The following CSTF1 variants were observed in gnomAD, a reference collection of about 807,000 sequenced individuals.
The protein encoded by CSTF1 is cleavage stimulation factor subunit 1.
A neutral mutation model predicts 40.9 loss-of-function variants in CSTF1; 2 were observed. That is an observed-to-expected ratio of 0.05 (90% CI 0.02 to 0.15). The LOEUF (loss-of-function observed/expected upper bound fraction) is 0.15, where lower values mean the gene tolerates loss of function less well. Among genes scored for constraint, CSTF1 ranks in the 10% least tolerant of loss-of-function variants. The pLI is 1.00. For missense variants in CSTF1, 279 were observed against 558.9 expected (o/e 0.50, Z 5.05); for synonymous variants, 218 against 207.2 (o/e 1.05, Z -0.45).
intron 1 of CSTF1, among the ~76,000 whole-genome samples, chr20:56,393,443 C>T (rs1987381807): frequency 1.3e-5 from 2 of 152,028 alleles, no homozygotes; most frequent in South Asian, 4.1e-4. Flanking sequence ...CTTTTCTTTG[C>T]CAGACTACCC....
At chr20:56,395,955 T>C (rs1309011336) in intron 2 of CSTF1, 2 of 431,144 alleles carry the variant, frequency 4.6e-6, no homozygotes, top group Non-Finnish European at 8.3e-6. Flanking sequence ...TTGTACACAT[T>C]ATCTGGAACA....
In CSTF1 at chr20:56,405,256, T is replaced by A. The variant is rs1041299095; in HGVS notation, c.*1529T>A. ...AGTTTCGCTCTTGTCCCCCAGGCTT[T>A]AGTGCAATGGCGCGATCTCGGCTCA... is the stretch of plus-strand genomic sequence containing the variant. On this transcript the variant is annotated 3_prime_UTR_variant, in exon 6 of 6. Coordinates refer to ENST00000217109, the MANE Select transcript of CSTF1 (RefSeq NM_001324.3). The A allele has an allele frequency of 1.3e-5, 2 of 152,196 alleles. No individual in the cohort carries two copies. The highest frequency in any genetic ancestry group is 2.1e-4 in the South Asian group (1 of 4,820). 9.4% of individuals were successfully genotyped at this position (152,196 alleles called of 1,614,324 possible).
intron 5 of CSTF1, among the ~76,000 whole-genome samples, chr20:56,400,631 A>G (rs1978409090): frequency 6.6e-6 from 1 of 152,186 alleles, no homozygotes; most frequent in Non-Finnish European, 1.5e-5. Context: ...TGGTTTTTCA[A>G]AAATGTGATT....
intron 1 of CSTF1, among the ~76,000 whole-genome samples, chr20:56,395,055 A>G (rs1987477600): frequency 6.6e-6 from 1 of 152,268 alleles, no homozygotes; most frequent in Admixed American, 6.5e-5. Context: ...GAGAATGAGC[A>G]TAAAAGATTA....
rs377616855 is a variant in CSTF1, at chr20:56,403,589, C to T, written c.1158C>T (p.Ala386=). 11 of 1,613,844 alleles carry T rather than the reference C, an allele frequency of 6.8e-6. No individual in the cohort carries two copies. The highest frequency in any genetic ancestry group is 6.7e-5 in the Admixed American group (4 of 59,962). ...TTTGCTGCTGGGACTCGAGGACAGCCGAGCGGAGAAACCTGCTGTCGTTGG... is the reference window on the plus strand; with the variant it reads ...TTTGCTGCTGGGACTCGAGGACAGCTGAGCGGAGAAACCTGCTGTCGTTGG... ...ISLCCWDSRT[A]ERRNLLSLGH... The change falls in exon 6 of 6, where the codon GCC becomes GCT. Residue 386 remains alanine, a synonymous_variant. Coordinates refer to ENST00000217109, the MANE Select transcript of CSTF1 (RefSeq NM_001324.3).
At position 56,397,502 on chromosome 20, in the gene CSTF1, A is replaced by C. The variant is rs1225022517; in HGVS notation, c.447+18A>C. Reference sequence around the variant, plus strand: ...CAATAGAGGTAAAAATTCCAGTCACATACTTATTGATTGCCTTCTGTTTTT... The same window carrying C: ...CAATAGAGGTAAAAATTCCAGTCACCTACTTATTGATTGCCTTCTGTTTTT... On this transcript the variant is annotated intron_variant, in intron 3 of 5. Coordinates refer to ENST00000217109, the MANE Select transcript of CSTF1 (RefSeq NM_001324.3). This position sits in a 1 kb window ranked among gnomAD's most constrained non-coding sequence, Gnocchi z 4.4. 1 of 1,608,038 alleles carries C rather than the reference A, an allele frequency of 6.2e-7. No individual in the cohort carries two copies. The highest frequency in any genetic ancestry group is 1.3e-5 in the African/African-American group (1 of 74,830).
At chr20:56,398,064 G>A (rs1485404514) in intron 4 of CSTF1, among the ~76,000 whole-genome samples, 1 of 152,072 alleles carries the variant, frequency 6.6e-6, no homozygotes, top group Admixed American at 6.6e-5. Flanking sequence ...CTGACCCTTT[G>A]GAGGGTTTGG....
chr20:56,401,940 A>G (rs1192458375), intron 5 of CSTF1, among the ~76,000 whole-genome samples: 1 of 152,222 alleles, frequency 6.6e-6, no homozygotes, highest in African/African-American at 2.4e-5. Flanking sequence ...ACTAAGCTGT[A>G]TTCTGTCTTT....
chr20:56,403,548 G>A lies in CSTF1; in HGVS notation c.1117G>A (p.Glu373Lys), dbSNP rs140557030. 2 of 1,613,968 alleles carry A rather than the reference G, an allele frequency of 1.2e-6. No homozygotes were observed. The highest frequency in any genetic ancestry group is 8.5e-7 in the Non-Finnish European group (1 of 1,180,030). The part of the protein sequence containing the change: ...HTEDYVLLPD[E>K]RTISLCCWDS... ...CGAGGACTATGTGTTGCTGCCCGAC[G>A]AGAGGACGATCAGTCTTTGCTGCTG... Residue 373 changes from glutamate (E) to lysine (K), a missense_variant, in exon 6 of 6, where the codon GAG becomes AAG. This residue lies in a region of CSTF1 where 162 missense variants were observed against 337.1 expected (regional missense o/e 0.48). Transcript: ENST00000217109.
rs11697071 is a variant in CSTF1, at chr20:56,397,574, T to A, written c.448-70T>A. 9 of 1,598,348 alleles carry A rather than the reference T, an allele frequency of 5.6e-6. No individual in the cohort carries two copies. Among genetic ancestry groups the A allele is most frequent in the Non-Finnish European group, 7.7e-6 (9 of 1,167,210 alleles). ...ATGGTTGAAACCAGCTTTAGTTTGCTACAGTTGTGGATTGTGCACTTGGAT... is the reference window on the plus strand; with the variant it reads ...ATGGTTGAAACCAGCTTTAGTTTGCAACAGTTGTGGATTGTGCACTTGGAT... On this transcript the variant is annotated intron_variant, in intron 3 of 5. Coordinates refer to ENST00000217109, the MANE Select transcript of CSTF1 (RefSeq NM_001324.3). The surrounding 1 kb of genome is among the most constrained non-coding windows in gnomAD (Gnocchi z 4.4).
chr20:56,397,885 A>C lies in CSTF1; in HGVS notation c.645+44A>C. On this transcript the variant is annotated intron_variant, in intron 4 of 5. Transcript: ENST00000217109. The surrounding 1 kb of genome is among the most constrained non-coding windows in gnomAD (Gnocchi z 4.4). ...GAGCTTTACATTTTTTCTTAAATACAATGAGCTATTGTACAACTATTCTCT... is the reference window on the plus strand; with the variant it reads ...GAGCTTTACATTTTTTCTTAAATACCATGAGCTATTGTACAACTATTCTCT... 7.0e-7 allele frequency: 1 copy of C among 1,424,936 alleles called. No homozygotes were observed. Among genetic ancestry groups the C allele is most frequent in the Non-Finnish European group, 9.8e-7 (1 of 1,016,372 alleles). The allele number at this position is 1,424,936 out of a possible 1,614,324, so 88.3% of individuals were successfully genotyped here.
At position 56,404,246 on chromosome 20, in the gene CSTF1, A is replaced by C. The variant is rs1367329001; in HGVS notation, c.*519A>C. 1 of 152,876 alleles carries C rather than the reference A, an allele frequency of 6.5e-6. No homozygotes were observed. 9.5% of individuals were successfully genotyped at this position (152,876 alleles called of 1,614,324 possible). On this transcript the variant is annotated 3_prime_UTR_variant, in exon 6 of 6. Transcript: ENST00000217109. ...TGATGTTATTCTGATAATAAAGCTCAGATCTGCAACTTTATTGTTATATAT... is the reference window on the plus strand; with the variant it reads ...TGATGTTATTCTGATAATAAAGCTCCGATCTGCAACTTTATTGTTATATAT...
At chr20:56,395,798 A>G in intron 2 of CSTF1, 77 bp downstream of exon 2, 1 of 1,522,714 alleles carries the variant, frequency 6.6e-7, no homozygotes, top group Admixed American at 1.9e-5. Context: ...TTTCAAGATT[A>G]TTCTTGTTTT....
intron 4 of CSTF1, among the ~76,000 whole-genome samples, chr20:56,398,482 G>A (rs1269546866): frequency 6.6e-6 from 1 of 152,222 alleles, no homozygotes; most frequent in Admixed American, 6.5e-5. Flanking sequence ...AGGCAAGGAT[G>A]ATCATTTGAG....
intron 5 of CSTF1, among the ~76,000 whole-genome samples, chr20:56,402,626 ATGTC>A (rs1273862098): frequency 6.6e-6 from 1 of 152,136 alleles, no homozygotes; most frequent in African/African-American, 2.4e-5. Context: ...TATAAACTAA[ATGTC>A]AGGAAGTAAA....
At chr20:56,396,343 G>A (rs78256202) in intron 2 of CSTF1, among the ~76,000 whole-genome samples, 3,707 of 152,284 alleles carry the variant, frequency 0.024, 180 homozygotes, top group African/African-American at 0.085. Flanking sequence ...CCAATTGTGA[G>A]CATTTCTCCT....
chr20:56,392,837 C>T (rs2236208), intron 1 of CSTF1, 124 bp downstream of exon 1: 138,716 of 152,232 alleles, frequency 0.91, 64,008 homozygotes, highest in Non-Finnish European at 0.99. Flanking sequence ...CTCTACTTTG[C>T]GTTTCCTAAG....
intron 5 of CSTF1, among the ~76,000 whole-genome samples, chr20:56,401,065 T>G (rs978670770): frequency 6.6e-6 from 1 of 152,052 alleles, no homozygotes; most frequent in African/African-American, 2.4e-5. Context: ...AATAATTAGT[T>G]AGAATTCAGA....
Position 56,397,600 on chromosome 20 carries a change from T to C in CSTF1, c.448-44T>C. On this transcript the variant is annotated intron_variant, in intron 3 of 5. Coordinates refer to ENST00000217109, the MANE Select transcript of CSTF1 (RefSeq NM_001324.3). The surrounding 1 kb of genome is among the most constrained non-coding windows in gnomAD (Gnocchi z 4.4). ...ACAGTTGTGGATTGTGCACTTGGAT[T>C]CAGACACATTCTGTGCCTTGAGCAT... is the stretch of plus-strand genomic sequence containing the variant. 6.2e-7 allele frequency: 1 copy of C among 1,603,534 alleles called. No homozygotes were observed.
Sources: gnomAD v4.1 joint callset for allele counts (sites outside exome capture counted in the v4.1 genomes callset) on GRCh38, gnomAD v4.1.1 for gene constraint, gnomAD v4.1.1 regional missense constraint, Gnocchi (gnomAD v3.1) non-coding constraint, MANE v1.5 for transcripts, NCBI Gene and HGNC (gene_info 2026-07-23, HGNC 2026-07-21) for gene names.